MGAT5: variants seen among roughly 807,000 people sequenced by gnomAD.
The protein encoded by MGAT5 is alpha-1,6-mannosylglycoprotein 6-beta-N-acetylglucosaminyltransferase A.
MGAT5 carries 30 observed loss-of-function variants against 94.3 expected under a neutral mutation model. The observed-to-expected ratio is 0.32, with a 90% confidence interval of 0.24 to 0.43. The LOEUF is 0.43. Ranked by LOEUF, MGAT5 falls within the 20% of genes least tolerant of loss-of-function variation. The pLI is 1.00. For synonymous variants in MGAT5, 310 were observed against 322.9 expected, an observed-to-expected ratio of 0.96 and a Z score of 0.43; for missense variants, 691 against 905.5, an observed-to-expected ratio of 0.76 and a Z score of 3.04.
chr2:134,373,592 A>G (rs1026444432), intron 10 of MGAT5, among the ~76,000 whole-genome samples: 6 of 152,246 alleles, frequency 3.9e-5, no homozygotes, highest in African/African-American at 1.4e-4. Flanking sequence ...GGCATAGTCC[A>G]TATTCTAAGA....
intron 12 of MGAT5, among the ~76,000 whole-genome samples, chr2:134,418,042 G>C (rs1684077844): frequency 6.6e-6 from 1 of 151,980 alleles, no homozygotes; most frequent in Admixed American, 6.5e-5. Context: ...TGTTAAAACT[G>C]ACTCTAAAGG....
chr2:134,252,071 C>CT (rs1231614415), upstream of MGAT5, among the ~76,000 whole-genome samples: 1 of 152,192 alleles, frequency 6.6e-6, no homozygotes, highest in African/African-American at 2.4e-5. Context: ...ATTTCTCTCT[C>CT]TTTTTCTGGT....
chr2:134,186,136 A>T (rs1335536101), intron 1 of MGAT5, among the ~76,000 whole-genome samples: 1 of 152,258 alleles, frequency 6.6e-6, no homozygotes, highest in Non-Finnish European at 1.5e-5. Flanking sequence ...AGATTCCTCA[A>T]TCCTGCCTGT....
chr2:134,134,893 A>G (rs1424614488), intron 1 of MGAT5, among the ~76,000 whole-genome samples: 2 of 152,234 alleles, frequency 1.3e-5, no homozygotes, highest in Admixed American at 1.3e-4. Flanking sequence ...ATCGTTGCAC[A>G]TTTTAAGTAA....
chr2:134,249,280 A>G (rs901636610), upstream of MGAT5, among the ~76,000 whole-genome samples: 4 of 147,062 alleles, frequency 2.7e-5, no homozygotes, highest in Non-Finnish European at 3.0e-5. Context: ...CCATCCTCCT[A>G]TTTAAACGTA....
chr2:134,272,435 T>C (rs1159927546), intron 2 of MGAT5, among the ~76,000 whole-genome samples: 1 of 152,148 alleles, frequency 6.6e-6, no homozygotes, highest in African/African-American at 2.4e-5. Context: ...TTAACCTCAT[T>C]TGCATGTCTT....
intron 14 of MGAT5, among the ~76,000 whole-genome samples, chr2:134,440,957 G>C (rs950603307): frequency 1.3e-5 from 2 of 152,196 alleles, no homozygotes; most frequent in Non-Finnish European, 2.9e-5. Context: ...AATATTAGAA[G>C]TGTTTTGGGT....
chr2:134,203,078 C>CT (rs1306864912), intron 1 of MGAT5, among the ~76,000 whole-genome samples: 1 of 152,132 alleles, frequency 6.6e-6, no homozygotes, highest in Non-Finnish European at 1.5e-5. Context: ...AATAATATAA[C>CT]TTTTTTTATG....
At chr2:134,148,440 A>C (rs1247222010) in intron 1 of MGAT5, among the ~76,000 whole-genome samples, 1 of 152,234 alleles carries the variant, frequency 6.6e-6, no homozygotes, top group African/African-American at 2.4e-5. Flanking sequence ...CCATTGGTCT[A>C]AGTGTTCATA....
rs1679182396 is a variant in MGAT5 at position 134,348,956 on chromosome 2, A to G, written c.1113-849A>G. 2.6e-5 allele frequency among the ~76,000 whole-genome samples: 4 copies of G among 152,226 alleles called. No individual in the cohort carries two copies. In the South Asian group the frequency reaches 8.3e-4, roughly 32 times the overall value. On this transcript the variant is annotated intron_variant, in intron 8 of 15. Transcript: ENST00000281923. ...TTTTGAGCCGTATATGCATCGCTGC[A>G]GCTACTTAGCTGTGCTGTTGCAGGA...
At chr2:134,222,492 ATTTCT>A in intron 1 of MGAT5, among the ~76,000 whole-genome samples, 1 of 152,396 alleles carries the variant, frequency 6.6e-6, no homozygotes, top group Non-Finnish European at 1.5e-5. Context: ...AATAAATTTA[ATTTCT>A]TTTCCAGCCA....
chr2:134,349,775 A>C, intron 8 of MGAT5, 30 bp from the exon 9 acceptor site: 5 of 1,611,178 alleles, frequency 3.1e-6, no homozygotes, highest in Non-Finnish European at 4.2e-6. Flanking sequence ...GCAAGTATGT[A>C]GTGTTCAACA....
At chr2:134,271,266 C>A (rs1193511583) in intron 2 of MGAT5, among the ~76,000 whole-genome samples, 1 of 152,136 alleles carries the variant, frequency 6.6e-6, no homozygotes, top group East Asian at 1.9e-4. Context: ...CTGAGGTCAG[C>A]CCCTGGGTCT....
At chr2:134,364,804 C>T (rs66523341) in intron 10 of MGAT5, among the ~76,000 whole-genome samples, 73,779 of 152,158 alleles carry the variant, frequency 0.48, 21,765 homozygotes, top group Non-Finnish European at 0.66. Context: ...GAATTCAGGA[C>T]ATCTTCTCCA....
At chr2:134,386,402 T>A (rs1391072353) in intron 10 of MGAT5, among the ~76,000 whole-genome samples, 1 of 152,232 alleles carries the variant, frequency 6.6e-6, no homozygotes, top group African/African-American at 2.4e-5. Flanking sequence ...AATGTGAATA[T>A]TAGATTAAAC....
intron 1 of MGAT5, among the ~76,000 whole-genome samples, chr2:134,143,805 C>G (rs1300020919): frequency 6.6e-6 from 1 of 152,144 alleles, no homozygotes. Context: ...CTTTCTGGTA[C>G]TATTGAACCG....
At chr2:134,313,207 CAGGG>C (rs1686798771) in intron 2 of MGAT5, among the ~76,000 whole-genome samples, 1 of 152,050 alleles carries the variant, frequency 6.6e-6, no homozygotes, top group Non-Finnish European at 1.5e-5. Context: ...TTGGGACTGT[CAGGG>C]AGAATCTGTC....
intron 1 of MGAT5, among the ~76,000 whole-genome samples, chr2:134,229,578 T>C (rs1260157553): frequency 6.6e-6 from 1 of 152,218 alleles, no homozygotes; most frequent in Non-Finnish European, 1.5e-5. Flanking sequence ...CCATATATGT[T>C]AAAAATGCCA....
intron 1 of MGAT5, among the ~76,000 whole-genome samples, chr2:134,192,571 T>C (rs985273480): frequency 3.3e-5 from 5 of 152,232 alleles, no homozygotes; most frequent in African/African-American, 1.2e-4. Flanking sequence ...CCTCGTATTA[T>C]TGTATCAGAT....
Sources: gnomAD v4.1 joint callset for allele counts (sites outside exome capture counted in the v4.1 genomes callset) on GRCh38, gnomAD v4.1.1 for gene constraint, MANE v1.5 for transcripts, NCBI Gene and HGNC (gene_info 2026-07-23, HGNC 2026-07-21) for gene names.